The following NBEAL2 variants were observed in gnomAD, a reference collection of about 807,000 sequenced individuals.
NBEAL2 encodes neurobeachin-like protein 2.
Under a neutral mutation model 299.8 loss-of-function variants are expected in NBEAL2, and 160 were observed. The observed-to-expected ratio is 0.53, with a 90% CI of 0.47 to 0.61. The LOEUF (loss-of-function observed/expected upper bound fraction) is 0.61. NBEAL2 is among the 20% of genes least tolerant of loss of function. NBEAL2 has a pLI of 0.00. For synonymous variants in NBEAL2, 1,493 were observed against 1,542.3 expected (o/e 0.97, Z 0.75); for missense variants, 3,112 against 3,649.0 (o/e 0.85, Z 3.79).
Position 47,003,254 on chromosome 3 carries a change from G to A in NBEAL2, c.5665G>A (p.Glu1889Lys), listed in dbSNP as rs759110878. 18 of 1,613,126 alleles carry A rather than the reference G, an allele frequency of 1.1e-5. No individual in the cohort carries two copies. Among genetic ancestry groups the A allele is most frequent in the East Asian group, 2.2e-5 (1 of 44,876 alleles). ...TKEAKVSTPP[E>K]LLQEDQLGED... ...AGAGGCCAAAGTGAGCACCCCACCC[G>A]AGTTGCTGCAGGAGGACCAGCTCGG... Residue 1889 changes from glutamate to lysine, a missense_variant, in exon 35 of 54, where the codon GAG (glutamate) becomes AAG (lysine). Coordinates refer to ENST00000450053, the MANE Select transcript of NBEAL2 (RefSeq NM_015175.3). This position sits in a 1 kb window ranked among gnomAD's most constrained non-coding sequence, Gnocchi z 7.0.
rs745341306 is a variant in NBEAL2 at position 47,004,520 on chromosome 3, A to G, written c.6224A>G (p.Asn2075Ser). ...AAATGGGTACAGCGTGAGATATCCA[A>G]CTTCGAGTACTTGATGCAACTCAAC... ...TQKWVQREIS[N>S]FEYLMQLNTI... Residue 2075 changes from asparagine to serine, a missense_variant, in exon 38 of 54, where the codon AAC becomes AGC. Coordinates refer to ENST00000450053, the MANE Select transcript of NBEAL2 (RefSeq NM_015175.3). The surrounding 1 kb of genome is among the most constrained non-coding windows in gnomAD (Gnocchi z 5.0). 1.9e-6 allele frequency: 3 copies of G among 1,613,640 alleles called. No individual in the cohort carries two copies. The highest frequency in any genetic ancestry group is 2.5e-6 in the Non-Finnish European group (3 of 1,179,828).
Position 46,988,309 on chromosome 3 carries a change from C to CA in NBEAL2, c.52-359dup, listed in dbSNP as rs2035822093. Among the ~76,000 whole-genome samples the CA allele has an allele frequency of 1.3e-5, 2 of 152,186 alleles. No homozygotes were observed. Among genetic ancestry groups the CA allele is most frequent in the Non-Finnish European group, 2.9e-5 (2 of 68,020 alleles). ...TGTGGGACACCTTCTCCAGCCCTAG[C>CA]ACCAGTGTGGGCCACAGCCACACCC... On this transcript the variant is annotated intron_variant, in intron 1 of 53. Coordinates refer to ENST00000450053, the MANE Select transcript of NBEAL2 (RefSeq NM_015175.3). The surrounding 1 kb of genome is among the most constrained non-coding windows in gnomAD (Gnocchi z 4.4).
At chr3:47,002,934 A>G in intron 33 of NBEAL2, 23 bp from the exon 34 acceptor site, 1 of 1,611,516 alleles carries the variant, frequency 6.2e-7, no homozygotes, top group Non-Finnish European at 8.5e-7. Context: ...CTACCGACCC[A>G]TGACCTGGGG....
At position 46,991,583 on chromosome 3, in the gene NBEAL2, C is replaced by T. The variant is rs111521585; in HGVS notation, c.820C>T (p.Arg274Cys). The T allele has an allele frequency of 8.7e-6, 14 of 1,602,162 alleles. No individual in the cohort carries two copies. Among genetic ancestry groups the T allele is most frequent in the Middle Eastern group, 1.6e-4 (1 of 6,082 alleles). ...SRAPPRGPEL[R>C]ALLESYFHVL... Reference sequence around the variant, plus strand: ...CGCACCTCCTCGTGGCCCAGAGCTTCGTGCCCTGCTTGAGAGCTACTTCCA... The same window carrying T: ...CGCACCTCCTCGTGGCCCAGAGCTTTGTGCCCTGCTTGAGAGCTACTTCCA... The change falls in exon 8 of 54, where the codon CGT (arginine) becomes TGT (cysteine). Residue 274 changes from arginine to cysteine, a missense_variant. By Grantham distance (180) the Arg-to-Cys change is radical. This residue lies in a region of NBEAL2 where 2,243 missense variants were observed against 2,538.1 expected (regional missense o/e 0.88). Transcript: ENST00000450053. This position sits in a 1 kb window ranked among gnomAD's most constrained non-coding sequence, Gnocchi z 6.2.
Position 46,982,900 on chromosome 3 carries a change from G to T in NBEAL2, c.51+2988G>T, listed in dbSNP as rs1285178802. Among the ~76,000 whole-genome samples, 1 of 152,126 alleles carries T rather than the reference G, an allele frequency of 6.6e-6. No homozygotes were observed. The highest frequency in any genetic ancestry group is 1.5e-5 in the Non-Finnish European group (1 of 68,026). On this transcript the variant is annotated intron_variant, in intron 1 of 53. Coordinates refer to ENST00000450053, the MANE Select transcript of NBEAL2 (RefSeq NM_015175.3). The surrounding 1 kb of genome is among the most constrained non-coding windows in gnomAD (Gnocchi z 4.2). The stretch of plus-strand genomic sequence containing the variant: ...GCATAGGAAGGGCAGGAGAGTCTTG[G>T]GGGACTGGGGACAGCACCTGACAGG...
Position 46,989,372 on chromosome 3 carries a change from A to T in NBEAL2, c.464A>T (p.Gln155Leu), listed in dbSNP as rs1411963041. ...GACCCTTACCAAACCTGGCGGCGCC[A>T]GCGCAGTGGGTGAGACCCAGCCCAC... ...LFDPYQTWRR[Q>L]RSGEVISSKE... The change falls in exon 5 of 54, where the codon CAG (glutamine) becomes CTG (leucine). Residue 155 changes from glutamine (Q) to leucine (L), a missense_variant. Gln to Leu is a moderately radical substitution (Grantham distance 113). Coordinates refer to ENST00000450053, the MANE Select transcript of NBEAL2 (RefSeq NM_015175.3). This position sits in a 1 kb window ranked among gnomAD's most constrained non-coding sequence, Gnocchi z 5.5. 6.3e-7 allele frequency: 1 copy of T among 1,577,952 alleles called. No individual in the cohort carries two copies. Among genetic ancestry groups the T allele is most frequent in the South Asian group, 1.2e-5 (1 of 86,470 alleles).
intron 12 of NBEAL2, 78 bp downstream of exon 12, chr3:46,994,631 C>T (rs2036344531): frequency 3.2e-6 from 4 of 1,257,690 alleles, no homozygotes; most frequent in Admixed American, 2.0e-5. Flanking sequence ...GTGAGCTCTC[C>T]ACCCTGGGGG....
Position 46,996,521 on chromosome 3 carries a change from G to T in NBEAL2, c.2402G>T (p.Gly801Val). 6.4e-7 allele frequency: 1 copy of T among 1,562,000 alleles called. No homozygotes were observed. The highest frequency in any genetic ancestry group is 8.7e-7 in the Non-Finnish European group (1 of 1,150,388). The change falls in exon 16 of 54, where the codon GGT (glycine) becomes GTT (valine). Residue 801 changes from glycine (G) to valine (V), a missense_variant. Around this residue, in one of 3 missense-constraint regions of NBEAL2, gnomAD observed 2,243 missense variants for 2,538.1 expected, o/e 0.88. Coordinates refer to ENST00000450053, the MANE Select transcript of NBEAL2 (RefSeq NM_015175.3). ...TRWGSPTSLE[G>V]ELGAVAIFHE... ...TGGGGCAGCCCCACATCCCTGGAGG[G>T]TGAGCTGGGGGCTGTGGCCATCTTT...
Position 46,998,097 on chromosome 3 carries a change from C to T in NBEAL2, c.2989C>T (p.Leu997Phe), listed in dbSNP as rs1437390050. The T allele has an allele frequency of 6.3e-7, 1 of 1,578,268 alleles. No individual in the cohort carries two copies. Among genetic ancestry groups the T allele is most frequent in the Non-Finnish European group, 8.6e-7 (1 of 1,161,844 alleles). Reference sequence around the variant, plus strand: ...AAGCTGGGCCATGGACATGAACGTGCTCATGTCCGCCCAGCTGCTGATGGA... The same window carrying T: ...AAGCTGGGCCATGGACATGAACGTGTTCATGTCCGCCCAGCTGCTGATGGA... Reference protein sequence around the residue: ...VPSWAMDMNVLMSAQLLMEQV... With the variant: ...VPSWAMDMNVFMSAQLLMEQV... Residue 997 changes from leucine to phenylalanine, a missense_variant, in exon 21 of 54, where the codon CTC (leucine) becomes TTC (phenylalanine). Physicochemically the swap from Leu to Phe is conservative, Grantham distance 22 (BLOSUM62 0). This residue lies in a region of NBEAL2 where 2,243 missense variants were observed against 2,538.1 expected (regional missense o/e 0.88). Transcript: ENST00000450053.
chr3:46,983,328 T>TA (rs397989443), intron 1 of NBEAL2, among the ~76,000 whole-genome samples: 149 of 150,834 alleles, frequency 9.9e-4, no homozygotes, highest in Non-Finnish European at 1.9e-3. Flanking sequence ...TTTTTTTTTT[T>TA]AGACAGAGTC....
In NBEAL2 at chr3:47,004,186, C is replaced by T; in HGVS notation, c.5991C>T (p.Asn1997=). ...AGCTCTTCTTTATCGATCAGGCCAA[C>T]TACTTCCTCAACTTCCCATGCAAGG... The part of the protein sequence containing the change: ...ALELFFIDQA[N]YFLNFPCKVG... The change falls in exon 37 of 54, where the codon AAC becomes AAT. Residue 1997 remains asparagine, a synonymous_variant. Coordinates refer to ENST00000450053, the MANE Select transcript of NBEAL2 (RefSeq NM_015175.3). This position sits in a 1 kb window ranked among gnomAD's most constrained non-coding sequence, Gnocchi z 5.0. The T allele has an allele frequency of 6.2e-7, 1 of 1,613,848 alleles. No individual in the cohort carries two copies. Among genetic ancestry groups the T allele is most frequent in the Non-Finnish European group, 8.5e-7 (1 of 1,179,834 alleles).
Position 47,001,716 on chromosome 3 carries a change from G to C in NBEAL2, c.4672G>C (p.Asp1558His). 1 of 1,613,862 alleles carries C rather than the reference G, an allele frequency of 6.2e-7. No individual in the cohort carries two copies. Among genetic ancestry groups the C allele is most frequent in the African/African-American group, 1.3e-5 (1 of 75,052 alleles). Residue 1558 changes from aspartate (D) to histidine (H), a missense_variant, in exon 30 of 54, where the codon GAT becomes CAT. By Grantham distance (81) the Asp-to-His change is moderately conservative. This residue lies in a region of NBEAL2 where 2,243 missense variants were observed against 2,538.1 expected (regional missense o/e 0.88). Coordinates refer to ENST00000450053, the MANE Select transcript of NBEAL2 (RefSeq NM_015175.3). The surrounding 1 kb of genome is among the most constrained non-coding windows in gnomAD (Gnocchi z 6.1). ...KLFEGVCSLL[D>H]RLGAWPHLAN... is the part of the protein sequence containing the mutation. ...CTTTGAAGGTGTATGCAGCCTACTT[G>C]ATCGCCTGGGAGCCTGGCCCCACCT...
chr3:46,998,426 G>T, intron 21 of NBEAL2, 37 bp from the exon 22 acceptor site: 1 of 1,585,308 alleles, frequency 6.3e-7, no homozygotes, highest in Non-Finnish European at 8.6e-7. Context: ...GCCCAGCTCA[G>T]CCTAGTGGCC....
rs775592621 is a variant in NBEAL2 at position 47,008,401 on chromosome 3, T to C, written c.7838T>C (p.Ile2613Thr). 10 of 1,613,954 alleles carry C rather than the reference T, an allele frequency of 6.2e-6. No homozygotes were observed. The highest frequency in any genetic ancestry group is 3.3e-5 in the Admixed American group (2 of 60,028). ...CTGGCATTGGGGTCCGAAGGCCAGATTGTGGTACAGAGCTCAGCGTGGGAA... is the reference window on the plus strand; with the variant it reads ...CTGGCATTGGGGTCCGAAGGCCAGACTGTGGTACAGAGCTCAGCGTGGGAA... ...FHLALGSEGQ[I>T]VVQSSAWERP... Residue 2613 changes from isoleucine (I) to threonine (T), a missense_variant, in exon 51 of 54, where the codon ATT (isoleucine) becomes ACT (threonine). By Grantham distance (89) the Ile-to-Thr change is moderately conservative. Around this residue, in one of 3 missense-constraint regions of NBEAL2, gnomAD observed 348 missense variants for 381.4 expected, o/e 0.91. Transcript: ENST00000450053.
rs2036890768 is a variant in NBEAL2 at position 47,000,420 on chromosome 3, C to A, written c.4305+16C>A. 6.4e-7 allele frequency: 1 copy of A among 1,557,854 alleles called. No individual in the cohort carries two copies. Among genetic ancestry groups the A allele is most frequent in the Non-Finnish European group, 8.7e-7 (1 of 1,149,346 alleles). ...CAACCCACAGGTGAGGTGGGCCCAC[C>A]CTCTGCCACTGCATGGTACCCAAGG... On this transcript the variant is annotated intron_variant, in intron 27 of 53. Coordinates refer to ENST00000450053, the MANE Select transcript of NBEAL2 (RefSeq NM_015175.3). This position sits in a 1 kb window ranked among gnomAD's most constrained non-coding sequence, Gnocchi z 4.5.
In NBEAL2 at chr3:46,995,384, C is replaced by T. The variant is rs1394153357; in HGVS notation, c.1649C>T (p.Ala550Val). 1.9e-6 allele frequency: 3 copies of T among 1,612,568 alleles called. No individual in the cohort carries two copies. The African/African-American group carries it at 4.0e-5, about 22-fold the overall frequency. The change falls in exon 13 of 54, where the codon GCT becomes GTT. Residue 550 changes from alanine (A) to valine (V), a missense_variant. Coordinates refer to ENST00000450053, the MANE Select transcript of NBEAL2 (RefSeq NM_015175.3). ...RPGLDSEPGG[A>V]EAGKARHAGA... Reference sequence around the variant, plus strand: ...GGATTGGACTCGGAACCAGGCGGAGCTGAGGCTGGAAAGGCCCGACACGCA... The same window carrying T: ...GGATTGGACTCGGAACCAGGCGGAGTTGAGGCTGGAAAGGCCCGACACGCA...
intron 47 of NBEAL2, 67 bp downstream of exon 47, chr3:47,007,417 A>AATC (rs2037530433): frequency 6.4e-7 from 1 of 1,552,784 alleles, no homozygotes; most frequent in South Asian, 1.2e-5. Flanking sequence ...TCCCCTCCCT[A>AATC]ATCAGAATGT....
chr3:46,989,307 T>C lies in NBEAL2; in HGVS notation c.399T>C (p.Asn133=), dbSNP rs770988929. 1.2e-6 allele frequency: 2 copies of C among 1,605,774 alleles called. No homozygotes were observed. The highest frequency in any genetic ancestry group is 1.7e-5 in the Admixed American group (1 of 58,660). Residue 133 remains asparagine (N), a synonymous_variant, in exon 5 of 54, where the codon AAT becomes AAC. Coordinates refer to ENST00000450053, the MANE Select transcript of NBEAL2 (RefSeq NM_015175.3). This position sits in a 1 kb window ranked among gnomAD's most constrained non-coding sequence, Gnocchi z 5.5. The part of the protein sequence containing the change: ...PPQGRGTQLE[N]VALHALLLCE... ...AGGGCCGAGGCACGCAGTTGGAGAATGTGGCCCTACATGCTCTGCTTCTCT... is the reference window on the plus strand; with the variant it reads ...AGGGCCGAGGCACGCAGTTGGAGAACGTGGCCCTACATGCTCTGCTTCTCT...
chr3:47,003,084 G>A lies in NBEAL2; in HGVS notation c.5584+3G>A. On this transcript the variant is annotated splice_donor_region_variant and intron_variant, in intron 34 of 53. Transcript: ENST00000450053. The surrounding 1 kb of genome is among the most constrained non-coding windows in gnomAD (Gnocchi z 7.0). ...CAGCGCTCTCCGAGACAATCTGGGT[G>A]AGGGAGTGTGCTGAGATGGGTCCAC... 6.2e-7 allele frequency: 1 copy of A among 1,612,138 alleles called. No individual in the cohort carries two copies. Among genetic ancestry groups the A allele is most frequent in the South Asian group, 1.1e-5 (1 of 90,848 alleles).
Sources: gnomAD v4.1 joint callset for allele counts (sites outside exome capture counted in the v4.1 genomes callset) on GRCh38, gnomAD v4.1.1 for gene constraint, gnomAD v4.1.1 regional missense constraint, Gnocchi (gnomAD v3.1) non-coding constraint, MANE v1.5 for transcripts, NCBI Gene and HGNC (gene_info 2026-07-23, HGNC 2026-07-21) for gene names.